FRMD4A: variants seen among roughly 807,000 people sequenced by gnomAD.
FRMD4A encodes the protein FERM domain-containing protein 4A.
In FRMD4A, 29 loss-of-function variants were observed where a neutral mutation model predicts 129.1. The ratio of observed to expected loss-of-function variants is 0.22; its 90% CI spans 0.17 to 0.31. FRMD4A has a LOEUF of 0.31. Ranked by LOEUF, FRMD4A falls within the 10% of genes least tolerant of loss-of-function variation. The pLI, the probability that FRMD4A is intolerant of heterozygous loss-of-function variation, is 1.00. For synonymous variants in FRMD4A, 634 were observed against 571.6 expected (o/e 1.11, Z -1.56); for missense variants, 1,272 against 1,375.8 (o/e 0.92, Z 1.19).
At chr10:13,669,300 G>T (rs1290386888) in intron 17 of FRMD4A, among the ~76,000 whole-genome samples, 1 of 152,178 alleles carries the variant, frequency 6.6e-6, no homozygotes, top group Non-Finnish European at 1.5e-5. Flanking sequence ...GACCTCAAGT[G>T]ATCTGCGCAC....
At chr10:14,041,506 C>G (rs1833776928) in intron 2 of FRMD4A, among the ~76,000 whole-genome samples, 1 of 152,108 alleles carries the variant, frequency 6.6e-6, no homozygotes, top group Non-Finnish European at 1.5e-5. Flanking sequence ...TTTTGTCAAA[C>G]AAGAGTTAAA....
Position 14,185,295 on chromosome 10 carries a change from GAA to G in FRMD4A, c.45+144761_45+144762del, listed in dbSNP as rs979090275. 3.3e-4 allele frequency among the ~76,000 whole-genome samples: 51 copies of G among 152,278 alleles called. 1 individual carries two copies. The highest frequency in any genetic ancestry group is 1.2e-3 in the African/African-American group (51 of 41,576). On this transcript the variant is annotated intron_variant, in intron 2 of 24. Transcript: ENST00000357447. ...TCTTGCTTCCTGAGAGATCCCAGCA[GAA>G]GGATGTAGAGATAGAGTCTTTCATT...
In FRMD4A at chr10:13,645,880, G is replaced by GAAAC. The variant is rs2081087869; in HGVS notation, c.*1154_*1157dup. The GAAAC allele has an allele frequency of 6.6e-6, 1 of 152,630 alleles. No individual in the cohort carries two copies. Among genetic ancestry groups the GAAAC allele is most frequent in the Admixed American group, 6.5e-5 (1 of 15,286 alleles). 9.5% of individuals were successfully genotyped at this position (152,630 alleles called of 1,614,324 possible). Reference sequence around the variant, plus strand: ...CTTGGTTTCCCATAAAAACGAAAATGAAACACCTTGTGCAAAAAAATAGGA... The same window carrying GAAAC: ...CTTGGTTTCCCATAAAAACGAAAATGAAACAAACACCTTGTGCAAAAAAATAGGA... On this transcript the variant is annotated 3_prime_UTR_variant, in exon 25 of 25. Transcript: ENST00000357447.
At chr10:13,712,026 G>A (rs895197325) in intron 12 of FRMD4A, 4 of 152,208 alleles carry the variant, frequency 2.6e-5, no homozygotes, top group Admixed American at 2.0e-4. Flanking sequence ...TAAGTAGAAA[G>A]TAAAAAAGCA....
At chr10:14,245,947 G>T (rs1844220789) in intron 2 of FRMD4A, among the ~76,000 whole-genome samples, 2 of 152,184 alleles carry the variant, frequency 1.3e-5, no homozygotes, top group Admixed American at 1.3e-4. Context: ...CACTTAGCCG[G>T]CTGTGCCTGA....
chr10:13,938,281 G>T (rs1765934215), intron 2 of FRMD4A, among the ~76,000 whole-genome samples: 1 of 152,028 alleles, frequency 6.6e-6, no homozygotes, highest in South Asian at 2.1e-4. Context: ...TTGTTCTGTT[G>T]CCCAGGCTGG....
At chr10:13,931,786 A>AAAAT (rs1350060641) in intron 2 of FRMD4A, among the ~76,000 whole-genome samples, 3 of 151,606 alleles carry the variant, frequency 2.0e-5, no homozygotes, top group Admixed American at 1.3e-4. Flanking sequence ...AAAAAAAAAA[A>AAAAT]AAAAAAATAG....
chr10:14,188,891 G>A (rs1456755594), intron 2 of FRMD4A, among the ~76,000 whole-genome samples: 4 of 152,150 alleles, frequency 2.6e-5, no homozygotes, highest in African/African-American at 7.2e-5. Flanking sequence ...GGGCAACGGA[G>A]CGAGGTTTTG....
intron 19 of FRMD4A, among the ~76,000 whole-genome samples, chr10:13,661,777 G>T (rs925565272): frequency 6.6e-6 from 1 of 152,150 alleles, no homozygotes; most frequent in African/African-American, 2.4e-5. Context: ...GCAGACATGG[G>T]AGGTGGAGGG....
intron 2 of FRMD4A, among the ~76,000 whole-genome samples, chr10:14,038,305 A>G (rs1026415994): frequency 2.0e-5 from 3 of 152,250 alleles, no homozygotes; most frequent in Admixed American, 1.3e-4. Flanking sequence ...CCTGGGCGAC[A>G]AAGCGAGACT....
At chr10:14,215,905 G>A (rs1241523312) in intron 2 of FRMD4A, among the ~76,000 whole-genome samples, 2 of 152,070 alleles carry the variant, frequency 1.3e-5, no homozygotes, top group African/African-American at 4.8e-5. Flanking sequence ...CATGTCGAAG[G>A]GGAAATAATC....
chr10:13,948,886 G>A (rs948315186), intron 2 of FRMD4A, among the ~76,000 whole-genome samples: 5 of 151,594 alleles, frequency 3.3e-5, no homozygotes, highest in East Asian at 1.9e-4. Context: ...TCTTGATGTC[G>A]TGGTCTGCCC....
chr10:14,263,843 A>G (rs1248680552), intron 2 of FRMD4A, among the ~76,000 whole-genome samples: 1 of 152,214 alleles, frequency 6.6e-6, no homozygotes, highest in African/African-American at 2.4e-5. Flanking sequence ...GCATTCCAGC[A>G]GCCAGGTCAG....
At chr10:13,765,101 A>ATTTTTTTTTTTG (rs2092233025) in intron 6 of FRMD4A, among the ~76,000 whole-genome samples, 5 of 125,302 alleles carry the variant, frequency 4.0e-5, no homozygotes, top group African/African-American at 5.9e-5. Context: ...TCAAGGATTG[A>ATTTTTTTTTTTG]TTTTTTTTTT....
At chr10:13,798,695 T>C (rs7088787) in intron 4 of FRMD4A, among the ~76,000 whole-genome samples, 18,097 of 152,206 alleles carry the variant, frequency 0.12, 2,963 homozygotes, top group African/African-American at 0.37. Context: ...CCAGCCTGGG[T>C]GACAGAGCGA....
intron 2 of FRMD4A, chr10:14,326,464 A>AT (rs1015852300): frequency 6.8e-5 from 11 of 161,028 alleles, no homozygotes; most frequent in Non-Finnish European, 1.5e-4. Context: ...TAATTATCAG[A>AT]TTTTTTTTGG....
intron 2 of FRMD4A, among the ~76,000 whole-genome samples, chr10:13,859,257 A>T (rs1204192887): frequency 7.9e-5 from 12 of 151,862 alleles, no homozygotes; most frequent in Non-Finnish European, 1.3e-4. Flanking sequence ...GGTGGTGCAT[A>T]CCTGTAATCC....
chr10:13,781,128 C>T (rs2092721377), intron 6 of FRMD4A, among the ~76,000 whole-genome samples: 2 of 151,802 alleles, frequency 1.3e-5, no homozygotes, highest in African/African-American at 4.8e-5. Flanking sequence ...CATGGTGAAA[C>T]CCTGTCTCCA....
chr10:13,676,915 T>C (rs965562118), intron 15 of FRMD4A, among the ~76,000 whole-genome samples: 1 of 152,140 alleles, frequency 6.6e-6, no homozygotes, highest in Non-Finnish European at 1.5e-5. Context: ...AAACAATGGA[T>C]TTTTTGGACA....
Sources: gnomAD v4.1 joint callset for allele counts (sites outside exome capture counted in the v4.1 genomes callset) on GRCh38, gnomAD v4.1.1 for gene constraint, MANE v1.5 for transcripts, NCBI Gene and HGNC (gene_info 2026-07-23, HGNC 2026-07-21) for gene names.